CELF4: variants seen among roughly 807,000 people sequenced by gnomAD.
CELF4 encodes CUGBP Elav-like family member 4.
A neutral mutation model predicts 59.9 loss-of-function variants in CELF4; 18 were observed. The observed-to-expected ratio is 0.30, with a 90% CI of 0.21 to 0.45. CELF4 has a LOEUF of 0.45. Ranked by LOEUF, CELF4 falls within the 20% of genes least tolerant of loss-of-function variation. The probability of loss-of-function intolerance (pLI) is 1.00; values close to 1 mark genes in which losing one functional copy is unlikely to be tolerated. For missense variants in CELF4, 456 were observed against 689.0 expected, an observed-to-expected ratio of 0.66 and a Z score of 3.79; for synonymous variants, 261 against 267.1, an observed-to-expected ratio of 0.98 and a Z score of 0.22.
chr18:37,509,981 T>C (rs1460157248), intron 1 of CELF4, among the ~76,000 whole-genome samples: 1 of 152,100 alleles, frequency 6.6e-6, no homozygotes, highest in Non-Finnish European at 1.5e-5. Context: ...AGAAAGAAGA[T>C]TAGTGGTTAC....
chr18:37,263,538 G>A (rs147289169), intron 10 of CELF4, among the ~76,000 whole-genome samples: 1 of 152,130 alleles, frequency 6.6e-6, no homozygotes, highest in East Asian at 1.9e-4. Flanking sequence ...GACCTTGTTA[G>A]TGTCCTGCCC....
intron 2 of CELF4, among the ~76,000 whole-genome samples, chr18:37,375,047 G>A (rs570641494): frequency 6.6e-5 from 10 of 152,220 alleles, no homozygotes; most frequent in Non-Finnish European, 1.3e-4. Context: ...CAGGTTGGGT[G>A]TGTGTATAGG....
intron 1 of CELF4, among the ~76,000 whole-genome samples, chr18:37,540,341 G>A (rs1036930304): frequency 3.9e-4 from 60 of 152,324 alleles, no homozygotes; most frequent in African/African-American, 1.3e-3. Context: ...AAACAGCAGC[G>A]TCTCTCTTTG....
At chr18:37,262,272 C>G (rs902680757) in intron 10 of CELF4, among the ~76,000 whole-genome samples, 1 of 152,190 alleles carries the variant, frequency 6.6e-6, no homozygotes, top group East Asian at 1.9e-4. Flanking sequence ...CCTGGGGTGG[C>G]TCAACCCATG....
chr18:37,387,651 A>C (rs756327547), intron 2 of CELF4, among the ~76,000 whole-genome samples: 17 of 152,188 alleles, frequency 1.1e-4, no homozygotes, highest in Non-Finnish European at 1.6e-4. Flanking sequence ...AGGCTGGTGG[A>C]AGAGTCCAGG....
chr18:37,392,563 C>T (rs971814929), intron 2 of CELF4, among the ~76,000 whole-genome samples: 1 of 152,188 alleles, frequency 6.6e-6, no homozygotes. Flanking sequence ...CAGGCTGTTT[C>T]CTTCACCTCC....
chr18:37,299,463 C>G (rs956232810), intron 3 of CELF4, among the ~76,000 whole-genome samples: 1 of 152,000 alleles, frequency 6.6e-6, no homozygotes, highest in Non-Finnish European at 1.5e-5. Context: ...AGAACTGGGA[C>G]AGGATGGGAG....
chr18:37,366,894 A>G (rs903193861), intron 2 of CELF4, among the ~76,000 whole-genome samples: 2 of 149,942 alleles, frequency 1.3e-5, no homozygotes, highest in African/African-American at 4.9e-5. Flanking sequence ...CCACCCATCT[A>G]CCCGTGCCCC....
intron 2 of CELF4, among the ~76,000 whole-genome samples, chr18:37,390,348 C>G (rs1397157915): frequency 6.6e-6 from 1 of 152,196 alleles, no homozygotes; most frequent in Non-Finnish European, 1.5e-5. Context: ...CAGCCCCCAG[C>G]CTGTCACTTC....
At chr18:37,328,459 G>T (rs745445216) in intron 2 of CELF4, among the ~76,000 whole-genome samples, 1 of 152,182 alleles carries the variant, frequency 6.6e-6, no homozygotes, top group African/African-American at 2.4e-5. Context: ...CTTTTGGGAC[G>T]TGTTGGAGCC....
At chr18:37,547,353 C>A (rs2099981772) in intron 1 of CELF4, among the ~76,000 whole-genome samples, 1 of 152,152 alleles carries the variant, frequency 6.6e-6, no homozygotes, top group African/African-American at 2.4e-5. Flanking sequence ...AGCCTGAATG[C>A]TGGTCACCAG....
intron 4 of CELF4, 74 bp from the exon 5 acceptor site, chr18:37,274,958 C>T: frequency 6.4e-7 from 1 of 1,564,488 alleles, no homozygotes; most frequent in Non-Finnish European, 8.7e-7. Context: ...AGGGCGCATC[C>T]CAGGTGAACG....
chr18:37,379,507 C>A (rs1283360199), intron 2 of CELF4, among the ~76,000 whole-genome samples: 85 of 45,694 alleles, frequency 1.9e-3, no homozygotes, highest in Non-Finnish European at 2.2e-3. Flanking sequence ...AGGCCATAAG[C>A]AAAAAAAAAA....
Position 37,418,305 on chromosome 18 carries a change from G to A in CELF4, c.369+67220C>T, listed in dbSNP as rs375654278. Among the ~76,000 whole-genome samples the A allele has an allele frequency of 1.5e-4, 23 of 152,244 alleles. No homozygotes were observed. In the East Asian group the frequency reaches 2.3e-3, roughly 15 times the overall value. On this transcript the variant is annotated intron_variant, in intron 2 of 12. Coordinates refer to ENST00000420428, the MANE Select transcript of CELF4 (RefSeq NM_020180.4). ...GGAGGTTTCAAACTTGGTCAAGCAC[G>A]GGCAGGTCTGATTTCTGTACCCTTG...
chr18:37,447,103 A>G (rs958191944), intron 2 of CELF4, among the ~76,000 whole-genome samples: 1 of 152,236 alleles, frequency 6.6e-6, no homozygotes, highest in African/African-American at 2.4e-5. Context: ...GAAAAGAAAA[A>G]AAAAATAATC....
intron 2 of CELF4, among the ~76,000 whole-genome samples, chr18:37,419,922 G>A (rs916027271): frequency 6.6e-6 from 1 of 152,238 alleles, no homozygotes; most frequent in Non-Finnish European, 1.5e-5. Context: ...AGGTCGGCGG[G>A]AAGGGTGTCC....
chr18:37,317,037 T>C (rs2154513232), intron 3 of CELF4, among the ~76,000 whole-genome samples: 1 of 152,294 alleles, frequency 6.6e-6, no homozygotes, highest in Admixed American at 6.5e-5. Flanking sequence ...TGTGCCTTGG[T>C]TTGTGCCTTT....
At chr18:37,465,993 C>G (rs1278047846) in intron 2 of CELF4, among the ~76,000 whole-genome samples, 1 of 152,172 alleles carries the variant, frequency 6.6e-6, no homozygotes, top group African/African-American at 2.4e-5. Flanking sequence ...TCCTGGAGTG[C>G]TGGCAGAGTC....
intron 1 of CELF4, among the ~76,000 whole-genome samples, chr18:37,557,979 C>A (rs1254788003): frequency 6.7e-6 from 1 of 149,052 alleles, no homozygotes; most frequent in East Asian, 2.0e-4. Context: ...ATGGATGGTC[C>A]TGAAAACATC....
Sources: gnomAD v4.1 joint callset for allele counts (sites outside exome capture counted in the v4.1 genomes callset) on GRCh38, gnomAD v4.1.1 for gene constraint, MANE v1.5 for transcripts, NCBI Gene and HGNC (gene_info 2026-07-23, HGNC 2026-07-21) for gene names.